TOPAZ1: variants seen among roughly 807,000 people sequenced by gnomAD.
TOPAZ1 encodes testis and ovary specific TOPAZ 1.
In TOPAZ1, 66 loss-of-function variants were observed where a neutral mutation model predicts 172.2. That is an observed-to-expected ratio of 0.38 (90% CI 0.31 to 0.47). TOPAZ1 has a LOEUF of 0.47. Among genes scored for constraint, TOPAZ1 ranks in the 20% least tolerant of loss-of-function variants. TOPAZ1 has a pLI of 0.99. For missense variants in TOPAZ1, 1,822 were observed against 1,972.4 expected (o/e 0.92, Z 1.44); for synonymous variants, 681 against 683.9 (o/e 1.00, Z 0.07).
At chr3:44,278,322 T>C (rs1699986322) in intron 8 of TOPAZ1, among the ~76,000 whole-genome samples, 1 of 152,218 alleles carries the variant, frequency 6.6e-6, no homozygotes, top group South Asian at 2.1e-4. Context: ...ATCAGGGGTA[T>C]TGACCTATAG....
intron 12 of TOPAZ1, among the ~76,000 whole-genome samples, chr3:44,297,872 A>G (rs963813433): frequency 6.6e-6 from 1 of 152,242 alleles, no homozygotes; most frequent in Non-Finnish European, 1.5e-5. Flanking sequence ...ATTTAAAACA[A>G]TATAATTTAC....
At chr3:44,334,639 G>T (rs1275542954), downstream of TOPAZ1, among the ~76,000 whole-genome samples, 3 of 152,134 alleles carry the variant, frequency 2.0e-5, no homozygotes, top group Admixed American at 6.5e-5. Flanking sequence ...AGGAATAAAG[G>T]TCCAAGGAAT....
At chr3:44,261,178 G>A (rs1032522248) in intron 4 of TOPAZ1, among the ~76,000 whole-genome samples, 1 of 151,878 alleles carries the variant, frequency 6.6e-6, no homozygotes, top group Non-Finnish European at 1.5e-5. Flanking sequence ...TTTAACTCTA[G>A]TATTCTCATC....
chr3:44,298,529 T>C (rs1228071876), intron 12 of TOPAZ1, among the ~76,000 whole-genome samples: 1 of 151,830 alleles, frequency 6.6e-6, no homozygotes. Context: ...CTAACAGTAA[T>C]CAAGTAATTA....
intron 8 of TOPAZ1, among the ~76,000 whole-genome samples, chr3:44,271,485 A>G (rs1396674417): frequency 1.3e-5 from 2 of 152,160 alleles, no homozygotes; most frequent in Admixed American, 1.3e-4. Context: ...TTTTCTTCTC[A>G]GTCTACAATA....
At chr3:44,312,231 CAA>C (rs1159011578) in intron 16 of TOPAZ1, among the ~76,000 whole-genome samples, 7 of 58,144 alleles carry the variant, frequency 1.2e-4, no homozygotes, top group Non-Finnish European at 1.9e-4. Context: ...ATTGCAAAGC[CAA>C]AAAAAAAAAA....
At chr3:44,319,993 T>C (rs1019612668) in intron 16 of TOPAZ1, among the ~76,000 whole-genome samples, 1 of 152,210 alleles carries the variant, frequency 6.6e-6, no homozygotes, top group Non-Finnish European at 1.5e-5. Flanking sequence ...TGTATAATGA[T>C]TGAGTAAATT....
At chr3:44,266,932 C>G in intron 5 of TOPAZ1, 65 bp from the exon 6 acceptor site, 3 of 1,207,132 alleles carry the variant, frequency 2.5e-6, no homozygotes, top group Non-Finnish European at 3.4e-6. Flanking sequence ...CTGATATCTG[C>G]AAAGCATTAC....
At chr3:44,315,105 GTGGATGGATGGA>G (rs34398632) in intron 16 of TOPAZ1, among the ~76,000 whole-genome samples, 45 of 150,002 alleles carry the variant, frequency 3.0e-4, no homozygotes, top group African/African-American at 1.0e-3. Flanking sequence ...ATTAGTTGAG[GTGGATGGATGGA>G]TGGATGGATG....
At chr3:44,255,308 T>C (rs1447913675) in intron 3 of TOPAZ1, among the ~76,000 whole-genome samples, 3 of 148,780 alleles carry the variant, frequency 2.0e-5, no homozygotes, top group Admixed American at 2.0e-4. Flanking sequence ...ATTTTGAAAA[T>C]GAAATATGTA....
intron 16 of TOPAZ1, among the ~76,000 whole-genome samples, chr3:44,320,735 CT>C (rs1307143058): frequency 6.6e-6 from 1 of 152,000 alleles, no homozygotes; most frequent in Non-Finnish European, 1.5e-5. Context: ...ATAATCTGAA[CT>C]TTTTTATATA....
chr3:44,323,567 T>C (rs1700565540), intron 18 of TOPAZ1, among the ~76,000 whole-genome samples: 1 of 152,176 alleles, frequency 6.6e-6, no homozygotes, highest in Admixed American at 6.5e-5. Context: ...AGGGAACAAA[T>C]GACAGGATAG....
intron 16 of TOPAZ1, among the ~76,000 whole-genome samples, chr3:44,316,154 G>A (rs1700450029): frequency 6.6e-6 from 1 of 152,196 alleles, no homozygotes; most frequent in East Asian, 1.9e-4. Context: ...GCTGAGGTGG[G>A]AGGATTGCTT....
intron 2 of TOPAZ1, among the ~76,000 whole-genome samples, chr3:44,245,978 T>G (rs1196542775): frequency 1.3e-5 from 2 of 152,280 alleles, no homozygotes; most frequent in Non-Finnish European, 2.9e-5. Context: ...CTATCTATTT[T>G]AATCCATTTT....
At chr3:44,246,773 C>T (rs145582971) in intron 2 of TOPAZ1, among the ~76,000 whole-genome samples, 1 of 152,156 alleles carries the variant, frequency 6.6e-6, no homozygotes, top group Non-Finnish European at 1.5e-5. Context: ...ACCTTTTAGG[C>T]AAATTATTTC....
intron 11 of TOPAZ1, among the ~76,000 whole-genome samples, chr3:44,290,037 G>A (rs1405827077): frequency 6.6e-6 from 1 of 152,108 alleles, no homozygotes; most frequent in Non-Finnish European, 1.5e-5. Context: ...TATTATGGAG[G>A]TATTGGAGGA....
chr3:44,289,414 G>GGAGCTAATA (rs1700111424), intron 11 of TOPAZ1, among the ~76,000 whole-genome samples: 1 of 152,120 alleles, frequency 6.6e-6, no homozygotes, highest in Non-Finnish European at 1.5e-5. Flanking sequence ...TGAATCTAGA[G>GGAGCTAATA]GAGCTAATAG....
intron 2 of TOPAZ1, among the ~76,000 whole-genome samples, chr3:44,252,789 C>T (rs1378478178): frequency 6.7e-6 from 1 of 149,922 alleles, no homozygotes; most frequent in Non-Finnish European, 1.5e-5. Flanking sequence ...ACTGGAATTG[C>T]TGGAAAGGAG....
chr3:44,263,624 A>G (rs1164125824), intron 5 of TOPAZ1, among the ~76,000 whole-genome samples: 1 of 152,192 alleles, frequency 6.6e-6, no homozygotes, highest in Non-Finnish European at 1.5e-5. Context: ...TCTACCAATG[A>G]TACTAAATTT....
Sources: gnomAD v4.1 joint callset for allele counts (sites outside exome capture counted in the v4.1 genomes callset) on GRCh38, gnomAD v4.1.1 for gene constraint, MANE v1.5 for transcripts, NCBI Gene and HGNC (gene_info 2026-07-23, HGNC 2026-07-21) for gene names.